AGAP1: variants seen among roughly 807,000 people sequenced by gnomAD.
The protein encoded by AGAP1 is ArfGAP with GTPase domain, ankyrin repeat and PH domain 1.
In AGAP1, 29 loss-of-function variants were observed where a neutral mutation model predicts 105.3. The observed-to-expected ratio is 0.28, with a 90% confidence interval of 0.21 to 0.38. The LOEUF is 0.38. Among genes scored for constraint, AGAP1 ranks in the 10% least tolerant of loss-of-function variants. The pLI, the probability that AGAP1 is intolerant of heterozygous loss-of-function variation, is 1.00. For missense variants in AGAP1, 998 were observed against 1,165.1 expected, an observed-to-expected ratio of 0.86 and a Z score of 2.09; for synonymous variants, 509 against 485.9, an observed-to-expected ratio of 1.05 and a Z score of -0.63.
chr2:235,929,592 C>T (rs1044907120), intron 11 of AGAP1, among the ~76,000 whole-genome samples: 8 of 152,010 alleles, frequency 5.3e-5, no homozygotes, highest in East Asian at 1.9e-4. Context: ...TCGTACACTA[C>T]GCTTCAGCTC....
chr2:235,720,569 T>C lies in AGAP1; in HGVS notation c.310+2925T>C, dbSNP rs1575222373. On this transcript the variant is annotated intron_variant, in intron 3 of 17. Transcript: ENST00000304032. The surrounding 1 kb of genome is among the most constrained non-coding windows in gnomAD (Gnocchi z 5.0). Reference sequence around the variant, plus strand: ...CTGCTGCCTTCTCATCAGACCTCCTTTCCTCTTACAACTGCTAGAGCGATC... The same window carrying C: ...CTGCTGCCTTCTCATCAGACCTCCTCTCCTCTTACAACTGCTAGAGCGATC... 1 of 707,356 alleles carries C rather than the reference T, an allele frequency of 1.4e-6. No homozygotes were observed. Among genetic ancestry groups the C allele is most frequent in the Non-Finnish European group, 1.7e-6 (1 of 576,620 alleles). 43.8% of individuals were successfully genotyped at this position (707,356 alleles called of 1,614,324 possible). A position where few individuals can be genotyped will look rare whatever the true frequency, so the allele number is the denominator to read the frequency against.
intron 1 of AGAP1, among the ~76,000 whole-genome samples, chr2:235,594,906 T>TA (rs1553575342): frequency 5.0e-5 from 7 of 138,710 alleles, no homozygotes; most frequent in East Asian, 2.0e-4. Flanking sequence ...TTTTTTTTTT[T>TA]ATGATGTAAA....
rs1412688727 is a variant in AGAP1 at position 235,908,478 on chromosome 2, G to C, written c.1156-260G>C. Reference sequence around the variant, plus strand: ...GTAGACTTACTTCCTAATGACCCTTGAAGGAGGCACCTGCTGTGTCTCTCC... The same window carrying C: ...GTAGACTTACTTCCTAATGACCCTTCAAGGAGGCACCTGCTGTGTCTCTCC... On this transcript the variant is annotated intron_variant, in intron 10 of 17. Transcript: ENST00000304032. This position sits in a 1 kb window ranked among gnomAD's most constrained non-coding sequence, Gnocchi z 4.4. Among the ~76,000 whole-genome samples, 1 of 152,076 alleles carries C rather than the reference G, an allele frequency of 6.6e-6. No homozygotes were observed. Among genetic ancestry groups the C allele is most frequent in the African/African-American group, 2.4e-5 (1 of 41,400 alleles).
At chr2:235,880,801 C>G (rs1389591084) in intron 9 of AGAP1, among the ~76,000 whole-genome samples, 2 of 151,980 alleles carry the variant, frequency 1.3e-5, no homozygotes, top group Non-Finnish European at 2.9e-5. Flanking sequence ...TTTTAAAATC[C>G]ACGGGAATCC....
chr2:235,850,335 T>C (rs1291620987), intron 9 of AGAP1, among the ~76,000 whole-genome samples: 1 of 152,218 alleles, frequency 6.6e-6, no homozygotes, highest in African/African-American at 2.4e-5. Flanking sequence ...CCTCTACCTC[T>C]CTTCCAATCT....
At position 235,741,210 on chromosome 2, in the gene AGAP1, T is replaced by C. The variant is rs562568631; in HGVS notation, c.396+162T>C. Among the ~76,000 whole-genome samples the C allele has an allele frequency of 1.3e-3, 202 of 152,314 alleles. 9 individuals are homozygous for C. In the Middle Eastern group the frequency reaches 0.014, roughly 10 times the overall value. ...CATTTTTTTCTCATCTCTAAGAAGC[T>C]AATTCTTTTTTTATTTTTTTCCCAG... On this transcript the variant is annotated intron_variant, in intron 4 of 17. Coordinates refer to ENST00000304032, the MANE Select transcript of AGAP1 (RefSeq NM_001037131.3). The surrounding 1 kb of genome is among the most constrained non-coding windows in gnomAD (Gnocchi z 4.9).
Position 235,788,751 on chromosome 2 carries a change from A to G in AGAP1, c.674-9008A>G, listed in dbSNP as rs147735005. ...CCTTCTTTCCCAAATGGTGGGGAGAAGTGCTGGCGGAAGCAGAATGGAGCC... is the reference window on the plus strand; with the variant it reads ...CCTTCTTTCCCAAATGGTGGGGAGAGGTGCTGGCGGAAGCAGAATGGAGCC... On this transcript the variant is annotated intron_variant, in intron 6 of 17. Transcript: ENST00000304032. The surrounding 1 kb of genome is among the most constrained non-coding windows in gnomAD (Gnocchi z 6.0). Among the ~76,000 whole-genome samples, 2 of 152,256 alleles carry G rather than the reference A, an allele frequency of 1.3e-5. No individual in the cohort carries two copies. Among genetic ancestry groups the G allele is most frequent in the East Asian group, 3.9e-4 (2 of 5,178 alleles).
chr2:235,733,053 G>A lies in AGAP1; in HGVS notation c.311-7910G>A, dbSNP rs540165906. On this transcript the variant is annotated intron_variant, in intron 3 of 17. Coordinates refer to ENST00000304032, the MANE Select transcript of AGAP1 (RefSeq NM_001037131.3). The surrounding 1 kb of genome is among the most constrained non-coding windows in gnomAD (Gnocchi z 5.0). The stretch of plus-strand genomic sequence containing the variant: ...GTCTAGTTGGAGGGAGCTGCCTCCC[G>A]TTGAAAGAGTCTGCCCTTCTTTAGG... Among the ~76,000 whole-genome samples, 2 of 152,200 alleles carry A rather than the reference G, an allele frequency of 1.3e-5. No individual in the cohort carries two copies. The highest frequency in any genetic ancestry group is 4.8e-5 in the African/African-American group (2 of 41,458).
At chr2:235,946,254 A>G (rs2053495095) in intron 12 of AGAP1, among the ~76,000 whole-genome samples, 1 of 150,404 alleles carries the variant, frequency 6.6e-6, no homozygotes, top group Non-Finnish European at 1.5e-5. Flanking sequence ...ATTCCCCCAA[A>G]GTGGATTGGA....
In AGAP1 at chr2:235,614,253, G is replaced by A. The variant is rs1266060229; in HGVS notation, c.164-94926G>A. 2.0e-5 allele frequency among the ~76,000 whole-genome samples: 3 copies of A among 152,122 alleles called. No homozygotes were observed. Among genetic ancestry groups the A allele is most frequent in the Admixed American group, 6.5e-5 (1 of 15,268 alleles). On this transcript the variant is annotated intron_variant, in intron 1 of 17. Coordinates refer to ENST00000304032, the MANE Select transcript of AGAP1 (RefSeq NM_001037131.3). This position sits in a 1 kb window ranked among gnomAD's most constrained non-coding sequence, Gnocchi z 4.7. ...CCCATAATCATACAGTTAGCAGTGT[G>A]GCCAGCGTCACTTAAAGCGGGGAGG...
rs888010695 is a variant in AGAP1 at position 236,044,915 on chromosome 2, A to C, written c.1891+4074A>C. 6.6e-6 allele frequency among the ~76,000 whole-genome samples: 1 copy of C among 152,106 alleles called. No individual in the cohort carries two copies. Among genetic ancestry groups the C allele is most frequent in the Non-Finnish European group, 1.5e-5 (1 of 68,018 alleles). On this transcript the variant is annotated intron_variant, in intron 15 of 17. Transcript: ENST00000304032. This position sits in a 1 kb window ranked among gnomAD's most constrained non-coding sequence, Gnocchi z 5.7. ...GAGATGGGGTCTCGCCCTATAGCCCAGGATGGAGTGCAGCAGAAAGGGTAG... is the reference window on the plus strand; with the variant it reads ...GAGATGGGGTCTCGCCCTATAGCCCCGGATGGAGTGCAGCAGAAAGGGTAG...
chr2:235,958,773 T>G lies in AGAP1; in HGVS notation c.1484-9689T>G, dbSNP rs1260710226. On this transcript the variant is annotated intron_variant, in intron 12 of 17. Coordinates refer to ENST00000304032, the MANE Select transcript of AGAP1 (RefSeq NM_001037131.3). This position sits in a 1 kb window ranked among gnomAD's most constrained non-coding sequence, Gnocchi z 4.1. The stretch of plus-strand genomic sequence containing the variant: ...TAAGAATACATTCCTGGCCCATCAG[T>G]CTCAAGCAGGCTGCTTGATATTTAT... 6.6e-6 allele frequency among the ~76,000 whole-genome samples: 1 copy of G among 152,218 alleles called. No individual in the cohort carries two copies. The highest frequency in any genetic ancestry group is 1.5e-5 in the Non-Finnish European group (1 of 68,036).
rs1488443854 is a variant in AGAP1 at position 236,020,816 on chromosome 2, A to G, written c.1646-15745A>G. 1.3e-5 allele frequency among the ~76,000 whole-genome samples: 2 copies of G among 152,230 alleles called. No individual in the cohort carries two copies. The highest frequency in any genetic ancestry group is 2.4e-5 in the African/African-American group (1 of 41,456). ...GTAGGCCTTTTTAATGTATCGGTAC[A>G]GAGCAGAGCTGGCCAAAGCCACCCC... On this transcript the variant is annotated intron_variant, in intron 13 of 17. Coordinates refer to ENST00000304032, the MANE Select transcript of AGAP1 (RefSeq NM_001037131.3). The surrounding 1 kb of genome is among the most constrained non-coding windows in gnomAD (Gnocchi z 5.0).
chr2:235,942,893 C>T (rs2053326448), intron 12 of AGAP1, among the ~76,000 whole-genome samples: 1 of 152,058 alleles, frequency 6.6e-6, no homozygotes, highest in African/African-American at 2.4e-5. Flanking sequence ...TTGAGACCAA[C>T]CTGGGCAACA....
intron 1 of AGAP1, among the ~76,000 whole-genome samples, chr2:235,698,905 A>C (rs1375201261): frequency 6.6e-6 from 1 of 152,260 alleles, no homozygotes. Context: ...TTGAACATGT[A>C]GTCAGCATGT....
chr2:235,874,271 G>A lies in AGAP1; in HGVS notation c.1051-9074G>A, dbSNP rs1018071736. 7.9e-5 allele frequency among the ~76,000 whole-genome samples: 12 copies of A among 151,840 alleles called. No individual in the cohort carries two copies. Among genetic ancestry groups the A allele is most frequent in the East Asian group, 5.8e-4 (3 of 5,130 alleles). On this transcript the variant is annotated intron_variant, in intron 9 of 17. Transcript: ENST00000304032. This position sits in a 1 kb window ranked among gnomAD's most constrained non-coding sequence, Gnocchi z 4.5. Reference sequence around the variant, plus strand: ...TCACCATGTTTACCGGGATGGTCTCGATCTCCTGACCTTGTGATCTGCCGG... The same window carrying A: ...TCACCATGTTTACCGGGATGGTCTCAATCTCCTGACCTTGTGATCTGCCGG...
At chr2:235,730,679 T>C (rs1395931656) in intron 3 of AGAP1, among the ~76,000 whole-genome samples, 1 of 152,106 alleles carries the variant, frequency 6.6e-6, no homozygotes, top group Non-Finnish European at 1.5e-5. Flanking sequence ...GTATAAAATA[T>C]TAAAAATCAT....
chr2:236,075,926 G>A (rs986780101), intron 16 of AGAP1, among the ~76,000 whole-genome samples: 17 of 152,288 alleles, frequency 1.1e-4, no homozygotes, highest in Middle Eastern at 6.8e-3. Flanking sequence ...GCAAACCTCC[G>A]CAGGGAGTGA....
In AGAP1 at chr2:235,497,739, C is replaced by T. The variant is rs570663239; in HGVS notation, c.163+2890C>T. 2.6e-3 allele frequency among the ~76,000 whole-genome samples: 392 copies of T among 152,304 alleles called. 1 individual carries two copies. Among genetic ancestry groups the T allele is most frequent in the Non-Finnish European group, 4.5e-3 (307 of 68,024 alleles). On this transcript the variant is annotated intron_variant, in intron 1 of 17. Transcript: ENST00000304032. ...CCTCCCGAGTAGCTGGGACTACAGG[C>T]GCCCACCACCTCGCCTGGCTAATTT...
Sources: gnomAD v4.1 joint callset for allele counts (sites outside exome capture counted in the v4.1 genomes callset) on GRCh38, gnomAD v4.1.1 for gene constraint, Gnocchi (gnomAD v3.1) non-coding constraint, MANE v1.5 for transcripts, NCBI Gene and HGNC (gene_info 2026-07-23, HGNC 2026-07-21) for gene names.